The following FHIT variants were observed in gnomAD, a reference collection of about 807,000 sequenced individuals.
FHIT encodes bis(5'-adenosyl)-triphosphatase.
A neutral mutation model predicts 17.9 loss-of-function variants in FHIT; 19 were observed. The observed-to-expected ratio is 1.06, with a 90% CI of 0.74 to 1.56. The LOEUF is 1.56. FHIT is among the 40% of genes most tolerant of loss of function. The pLI is 0.00. For synonymous variants in FHIT, 81 were observed against 69.7 expected (o/e 1.16, Z -0.81); for missense variants, 248 against 189.2 (o/e 1.31, Z -1.82).
At chr3:60,865,585 A>G (rs535274552) in intron 3 of FHIT, among the ~76,000 whole-genome samples, 1 of 152,272 alleles carries the variant, frequency 6.6e-6, no homozygotes, top group Admixed American at 6.5e-5. Context: ...CTTAGTATGA[A>G]GAGAGTCTAT....
intron 8 of FHIT, among the ~76,000 whole-genome samples, chr3:59,920,007 G>C (rs1178763014): frequency 3.3e-5 from 5 of 152,178 alleles, no homozygotes; most frequent in Admixed American, 3.3e-4. Flanking sequence ...AATGGTTAAA[G>C]GCAAAGAGAA....
chr3:60,976,801 A>G (rs1710275694), intron 3 of FHIT, among the ~76,000 whole-genome samples: 1 of 152,000 alleles, frequency 6.6e-6, no homozygotes, highest in Non-Finnish European at 1.5e-5. Context: ...ATTTTCTTTT[A>G]CCATGGAGGC....
intron 4 of FHIT, among the ~76,000 whole-genome samples, chr3:60,763,571 C>T (rs1173297523): frequency 5.3e-5 from 8 of 152,186 alleles, no homozygotes; most frequent in Non-Finnish European, 1.2e-4. Flanking sequence ...TAGTAAGTGG[C>T]AAATCCAGGA....
At chr3:60,147,341 T>A (rs190217406) in intron 5 of FHIT, among the ~76,000 whole-genome samples, 1 of 152,236 alleles carries the variant, frequency 6.6e-6, no homozygotes, top group East Asian at 1.9e-4. Flanking sequence ...TAATTCAAAC[T>A]ACAAGTCTTA....
At chr3:60,019,881 T>C (rs1454922238) in intron 5 of FHIT, among the ~76,000 whole-genome samples, 1 of 152,250 alleles carries the variant, frequency 6.6e-6, no homozygotes, top group East Asian at 1.9e-4. Flanking sequence ...TCTGTTACAC[T>C]GAGATGGCAA....
chr3:60,438,106 G>A (rs375396298), intron 5 of FHIT, among the ~76,000 whole-genome samples: 83 of 152,006 alleles, frequency 5.5e-4, no homozygotes, highest in African/African-American at 1.8e-3. Flanking sequence ...TGTGGCAACC[G>A]TACAGTCAAA....
At chr3:60,203,903 T>C (rs1703034143) in intron 5 of FHIT, among the ~76,000 whole-genome samples, 1 of 152,028 alleles carries the variant, frequency 6.6e-6, no homozygotes, top group Non-Finnish European at 1.5e-5. Context: ...ACAATTGAAC[T>C]TGTGAAGACA....
chr3:59,961,918 CT>C (rs11288438), intron 7 of FHIT, among the ~76,000 whole-genome samples: 135,370 of 152,134 alleles, frequency 0.89, 60,881 homozygotes, highest in East Asian at 1. Context: ...TAACTGTGGG[CT>C]TTCCTAAGAG....
chr3:60,687,849 A>G (rs973397033), intron 4 of FHIT, among the ~76,000 whole-genome samples: 2 of 152,160 alleles, frequency 1.3e-5, no homozygotes, highest in Non-Finnish European at 2.9e-5. Context: ...AAGTCAATAA[A>G]AATTCAGAAC....
chr3:60,855,361 T>C (rs1244690244), intron 3 of FHIT, among the ~76,000 whole-genome samples: 4 of 152,170 alleles, frequency 2.6e-5, no homozygotes, highest in East Asian at 3.8e-4. Flanking sequence ...AAAGTCATAG[T>C]TGCAAGAGGA....
At chr3:60,092,250 T>C (rs779861340) in intron 5 of FHIT, among the ~76,000 whole-genome samples, 7 of 152,192 alleles carry the variant, frequency 4.6e-5, no homozygotes, top group Non-Finnish European at 8.8e-5. Flanking sequence ...CTGGTTTATA[T>C]TGATTTGGTT....
At chr3:59,995,108 AC>A (rs755539715) in intron 7 of FHIT, among the ~76,000 whole-genome samples, 4 of 151,650 alleles carry the variant, frequency 2.6e-5, no homozygotes, top group Admixed American at 6.6e-5. Context: ...GAATGTTCTC[AC>A]CTCTGTTCAT....
intron 2 of FHIT, among the ~76,000 whole-genome samples, chr3:61,102,952 T>G (rs2035878954): frequency 6.6e-6 from 1 of 152,182 alleles, no homozygotes; most frequent in Non-Finnish European, 1.5e-5. Flanking sequence ...CTTTTCTTCT[T>G]TATTAGTCTT....
At chr3:60,633,176 T>G (rs2039491204) in intron 4 of FHIT, among the ~76,000 whole-genome samples, 1 of 152,154 alleles carries the variant, frequency 6.6e-6, no homozygotes, top group Non-Finnish European at 1.5e-5. Flanking sequence ...CAAAATATCC[T>G]CAAAGACTTT....
chr3:61,127,731 T>A (rs2036650242), intron 2 of FHIT, among the ~76,000 whole-genome samples: 1 of 151,972 alleles, frequency 6.6e-6, no homozygotes, highest in African/African-American at 2.4e-5. Context: ...TTTTTTTGTA[T>A]TACAGGGTGT....
chr3:60,573,428 C>G (rs2037454439), intron 4 of FHIT, among the ~76,000 whole-genome samples: 1 of 152,134 alleles, frequency 6.6e-6, no homozygotes, highest in Non-Finnish European at 1.5e-5. Flanking sequence ...GATCTCCAAA[C>G]TAAAAACTGT....
At chr3:60,556,828 G>A (rs574050943) in intron 4 of FHIT, among the ~76,000 whole-genome samples, 13 of 152,358 alleles carry the variant, frequency 8.5e-5, no homozygotes, top group South Asian at 2.1e-4. Context: ...GGTGACCACC[G>A]TGTTGAACAC....
At chr3:61,175,293 T>G (rs1019319170) in intron 2 of FHIT, among the ~76,000 whole-genome samples, 1 of 152,122 alleles carries the variant, frequency 6.6e-6, no homozygotes, top group African/African-American at 2.4e-5. Context: ...AGGTAAAATA[T>G]ACTCCCGAGC....
chr3:59,975,196 A>G (rs1042421962), intron 7 of FHIT, among the ~76,000 whole-genome samples: 2 of 152,126 alleles, frequency 1.3e-5, no homozygotes, highest in African/African-American at 4.8e-5. Context: ...GGCATTTGCT[A>G]GGCACTGTTC....
Sources: allele counts gnomAD v4.1 joint callset (sites outside exome capture counted in the v4.1 genomes callset), GRCh38; gene constraint gnomAD v4.1.1; transcripts MANE v1.5; gene names NCBI Gene and HGNC (gene_info 2026-07-23, HGNC 2026-07-21).